MCPH1: variants seen among roughly 807,000 people sequenced by gnomAD.
The protein encoded by MCPH1 is microcephalin.
Under a neutral mutation model 84.5 loss-of-function variants are expected in MCPH1, and 104 were observed. That is an observed-to-expected ratio of 1.23 (90% CI 1.05 to 1.45). The LOEUF (loss-of-function observed/expected upper bound fraction) is 1.45, where lower values mean the gene tolerates loss of function less well. MCPH1 is among the 40% of genes most tolerant of loss of function. The pLI, the probability that MCPH1 is intolerant of heterozygous loss-of-function variation, is 0.00. For missense variants in MCPH1, 1,498 were observed against 1,005.7 expected, an observed-to-expected ratio of 1.49 and a Z score of -6.62; for synonymous variants, 514 against 366.8, an observed-to-expected ratio of 1.40 and a Z score of -4.58.
intron 12 of MCPH1, among the ~76,000 whole-genome samples, chr8:6,541,409 G>A (rs1263764904): frequency 6.6e-6 from 1 of 152,162 alleles, no homozygotes; most frequent in Admixed American, 6.5e-5. Context: ...GCGCTGGAGA[G>A]GAGAGGAGAG....
chr8:6,416,722 G>C (rs891588284), intron 3 of MCPH1, among the ~76,000 whole-genome samples: 3 of 152,150 alleles, frequency 2.0e-5, no homozygotes. Context: ...GGCCGGATGC[G>C]GTGGCTCACA....
chr8:6,562,895 C>G (rs1825774587), intron 12 of MCPH1: 2 of 1,607,732 alleles, frequency 1.2e-6, no homozygotes, highest in East Asian at 4.5e-5. Context: ...GCGGCCAAGA[C>G]AAGATCACAG....
chr8:6,422,549 T>C (rs1251949578), intron 3 of MCPH1, among the ~76,000 whole-genome samples: 1 of 152,218 alleles, frequency 6.6e-6, no homozygotes, highest in Non-Finnish European at 1.5e-5. Flanking sequence ...ATTCTTACTC[T>C]GCTTTGCTGG....
intron 12 of MCPH1, among the ~76,000 whole-genome samples, chr8:6,555,803 G>T (rs973642704): frequency 6.6e-6 from 1 of 152,130 alleles, no homozygotes; most frequent in Non-Finnish European, 1.5e-5. Context: ...TTAAATAGTT[G>T]TACCAATTAT....
chr8:6,570,476 G>A lies in MCPH1; in HGVS notation c.2215-50978G>A, dbSNP rs147697539. On this transcript the variant is annotated intron_variant, in intron 12 of 13. Coordinates refer to ENST00000344683, the MANE Select transcript of MCPH1 (RefSeq NM_024596.5). ...TTCCTGGGAAACAGCCATTTCCCCC[G>A]CATTATAGTTGTGTTTTCATTTGCG... Among the ~76,000 whole-genome samples the A allele has an allele frequency of 6.9e-3, 1,058 of 152,240 alleles. 6 individuals are homozygous for A. The highest frequency in any genetic ancestry group is 0.027 in the Middle Eastern group (8 of 294).
chr8:6,571,984 T>G (rs1266855802), intron 12 of MCPH1, among the ~76,000 whole-genome samples: 2 of 152,178 alleles, frequency 1.3e-5, no homozygotes, highest in African/African-American at 4.8e-5. Flanking sequence ...TCCCTCCACT[T>G]TTTCTCTTAA....
chr8:6,444,239 AC>A (rs1803927131), intron 7 of MCPH1, 153 bp from the exon 8 acceptor site: 2 of 363,048 alleles, frequency 5.5e-6, no homozygotes, highest in African/African-American at 2.2e-5. Context: ...CCTAAAATGT[AC>A]CCTTAAGTGG....
chr8:6,492,006 T>C (rs990911542), intron 11 of MCPH1, among the ~76,000 whole-genome samples: 1 of 152,234 alleles, frequency 6.6e-6, no homozygotes, highest in African/African-American at 2.4e-5. Context: ...ATGGGATGGC[T>C]GGATCAAATG....
At chr8:6,642,859 G>A (rs41312806) in intron 13 of MCPH1, 135 bp from the exon 14 acceptor site, 23,432 of 767,790 alleles carry the variant, frequency 0.031, 490 homozygotes, top group Non-Finnish European at 0.039. Context: ...CTCTATGGAC[G>A]TGGGGGGGCC....
In MCPH1 at chr8:6,431,713, T is replaced by G. The variant is rs569496916; in HGVS notation, c.321+127T>G. 4 of 649,246 alleles carry G rather than the reference T, an allele frequency of 6.2e-6. No individual in the cohort carries two copies. In the South Asian group the frequency reaches 8.1e-5, roughly 13 times the overall value. 40.2% of individuals were successfully genotyped at this position (649,246 alleles called of 1,614,324 possible). A position where few individuals can be genotyped will look rare whatever the true frequency, so the allele number is the denominator to read the frequency against. ...GTCTTAAATATGCTATTGATGATAT[T>G]GTTCTTTTCACATAGCATTTTTAAG... On this transcript the variant is annotated intron_variant, in intron 4 of 13. Coordinates refer to ENST00000344683, the MANE Select transcript of MCPH1 (RefSeq NM_024596.5).
intron 9 of MCPH1, among the ~76,000 whole-genome samples, chr8:6,469,830 T>C (rs558112304): frequency 2.0e-5 from 3 of 152,234 alleles, no homozygotes; most frequent in Admixed American, 2.0e-4. Flanking sequence ...ATACTCTTTT[T>C]CTCTCTCTCT....
rs1305499761 is a variant in MCPH1, at chr8:6,431,565, A to T, written c.300A>T (p.Leu100Phe). ...LFPAANMNEH[L>F]SSLIKKKRKC... Reference sequence around the variant, plus strand: ...CTGCAGCTAATATGAATGAACACTTATCAAGCCTAATTAAAAAAAAAGTAA... The same window carrying T: ...CTGCAGCTAATATGAATGAACACTTTTCAAGCCTAATTAAAAAAAAAGTAA... The change falls in exon 4 of 14, where the codon TTA (leucine) becomes TTT (phenylalanine). Residue 100 changes from leucine to phenylalanine, a missense_variant. By Grantham distance (22) the Leu-to-Phe change is conservative (BLOSUM62 0). Transcript: ENST00000344683. 6 of 1,611,520 alleles carry T rather than the reference A, an allele frequency of 3.7e-6. No homozygotes were observed. In the African/African-American group the frequency reaches 6.7e-5, roughly 18 times the overall value.
chr8:6,456,173 C>G (rs73661729), intron 9 of MCPH1, among the ~76,000 whole-genome samples: 1,804 of 152,158 alleles, frequency 0.012, 38 homozygotes, highest in African/African-American at 0.042. Flanking sequence ...AAAAGTGGAG[C>G]AAGAAAATGG....
At chr8:6,574,578 G>A (rs1228778338) in intron 12 of MCPH1, among the ~76,000 whole-genome samples, 1 of 152,070 alleles carries the variant, frequency 6.6e-6, no homozygotes, top group African/African-American at 2.4e-5. Context: ...ACACCTAAAG[G>A]GGACAGAAAA....
intron 12 of MCPH1, among the ~76,000 whole-genome samples, chr8:6,558,986 T>C (rs1228462194): frequency 6.6e-6 from 1 of 152,154 alleles, no homozygotes; most frequent in Non-Finnish European, 1.5e-5. Context: ...AAACTGTCTC[T>C]TCTACATTCC....
intron 13 of MCPH1, among the ~76,000 whole-genome samples, chr8:6,632,447 C>A (rs555925594): frequency 1.1e-4 from 16 of 152,072 alleles, no homozygotes; most frequent in Non-Finnish European, 2.1e-4. Context: ...AATCTATTCA[C>A]CTCATTTTAC....
At chr8:6,539,561 C>A (rs1382764566) in intron 12 of MCPH1, among the ~76,000 whole-genome samples, 1 of 152,096 alleles carries the variant, frequency 6.6e-6, no homozygotes, top group Non-Finnish European at 1.5e-5. Flanking sequence ...CTGATCTAGC[C>A]TTTTTGCTTT....
intron 9 of MCPH1, among the ~76,000 whole-genome samples, chr8:6,461,637 G>C (rs1806312612): frequency 6.6e-6 from 1 of 152,098 alleles, no homozygotes; most frequent in African/African-American, 2.4e-5. Flanking sequence ...ACCACACCCG[G>C]CCTGGTGAGA....
At chr8:6,515,262 G>A (rs1033331448) in intron 12 of MCPH1, among the ~76,000 whole-genome samples, 1 of 152,090 alleles carries the variant, frequency 6.6e-6, no homozygotes, top group Non-Finnish European at 1.5e-5. Context: ...TTGATCATAG[G>A]GTTTGGAGGA....
Sources: gnomAD v4.1 joint callset for allele counts (sites outside exome capture counted in the v4.1 genomes callset) on GRCh38, gnomAD v4.1.1 for gene constraint, MANE v1.5 for transcripts, NCBI Gene and HGNC (gene_info 2026-07-23, HGNC 2026-07-21) for gene names.